Variants in GALNTL6 observed in about 807,000 individuals in gnomAD.
The protein encoded by GALNTL6 is polypeptide N-acetylgalactosaminyltransferase-like 6.
Under a neutral mutation model 73.7 loss-of-function variants are expected in GALNTL6, and 46 were observed. That is an observed-to-expected ratio of 0.62 (90% CI 0.49 to 0.80). GALNTL6 has a LOEUF of 0.80. Ranked by LOEUF, GALNTL6 falls within the 30% of genes least tolerant of loss-of-function variation. The probability of loss-of-function intolerance (pLI) is 0.00; values close to 1 mark genes in which losing one functional copy is unlikely to be tolerated. For missense variants in GALNTL6, 604 were observed against 755.0 expected (o/e 0.80, Z 2.34); for synonymous variants, 259 against 263.7 (o/e 0.98, Z 0.17).
chr4:172,247,912 A>T (rs1737717690), intron 3 of GALNTL6, among the ~76,000 whole-genome samples: 1 of 152,108 alleles, frequency 6.6e-6, no homozygotes, highest in Non-Finnish European at 1.5e-5. Context: ...GCTTATTGAA[A>T]TTTTTTTCAA....
chr4:172,266,293 A>C (rs1738449551), intron 3 of GALNTL6: 2 of 152,144 alleles, frequency 1.3e-5, no homozygotes, highest in African/African-American at 4.8e-5. Context: ...AAGAATGCTT[A>C]GGGCATACGT....
intron 5 of GALNTL6, among the ~76,000 whole-genome samples, chr4:172,398,991 G>T (rs1743945583): frequency 6.6e-6 from 1 of 151,812 alleles, no homozygotes. Context: ...CAACCTTTTA[G>T]TTGTGTCTTG....
chr4:172,154,865 G>C (rs769360429), intron 2 of GALNTL6, among the ~76,000 whole-genome samples: 4 of 152,184 alleles, frequency 2.6e-5, no homozygotes, highest in Non-Finnish European at 5.9e-5. Flanking sequence ...ATAATTCTGA[G>C]TGCATGGCTG....
intron 2 of GALNTL6, among the ~76,000 whole-genome samples, chr4:172,186,271 A>C (rs1010972280): frequency 6.6e-6 from 1 of 152,168 alleles, no homozygotes. Context: ...GCATGAATAT[A>C]ATTTTTAAAT....
At chr4:172,843,053 T>G (rs1385166875) in intron 7 of GALNTL6, among the ~76,000 whole-genome samples, 3 of 152,136 alleles carry the variant, frequency 2.0e-5, no homozygotes, top group African/African-American at 7.2e-5. Flanking sequence ...AAGCTCACCC[T>G]CTGGGAATGG....
chr4:172,623,904 A>G (rs1739058633), intron 5 of GALNTL6, among the ~76,000 whole-genome samples: 2 of 152,102 alleles, frequency 1.3e-5, no homozygotes, highest in African/African-American at 4.8e-5. Context: ...TTTATTCATG[A>G]GATATTTTAC....
At chr4:172,920,936 A>C (rs1579656262) in intron 8 of GALNTL6, among the ~76,000 whole-genome samples, 2 of 152,234 alleles carry the variant, frequency 1.3e-5, no homozygotes, top group East Asian at 3.8e-4. Context: ...ACTGAGTTAG[A>C]AGGTGTGAGA....
chr4:172,732,156 T>C (rs1158611265), intron 5 of GALNTL6, among the ~76,000 whole-genome samples: 4 of 152,164 alleles, frequency 2.6e-5, no homozygotes, highest in Non-Finnish European at 5.9e-5. Context: ...CTGACTATTA[T>C]TGTATTGCAT....
chr4:172,271,438 T>C (rs1738646516), intron 3 of GALNTL6, among the ~76,000 whole-genome samples: 1 of 152,140 alleles, frequency 6.6e-6, no homozygotes, highest in African/African-American at 2.4e-5. Flanking sequence ...CATGCATACA[T>C]ATACATACAT....
intron 7 of GALNTL6, among the ~76,000 whole-genome samples, chr4:172,880,114 G>A (rs1213874018): frequency 6.6e-6 from 1 of 151,940 alleles, no homozygotes; most frequent in East Asian, 1.9e-4. Flanking sequence ...TGAAAGATTA[G>A]ACATACCTAC....
At chr4:172,871,316 C>A (rs1744917927) in intron 7 of GALNTL6, among the ~76,000 whole-genome samples, 2 of 152,222 alleles carry the variant, frequency 1.3e-5, no homozygotes, top group Admixed American at 6.5e-5. Flanking sequence ...ATGTTCTTAT[C>A]TGGTTTCAGA....
At chr4:171,817,673 C>G (rs1734556849) in intron 2 of GALNTL6, among the ~76,000 whole-genome samples, 1 of 151,588 alleles carries the variant, frequency 6.6e-6, no homozygotes, top group African/African-American at 2.4e-5. Flanking sequence ...ATTTTAAAAT[C>G]TTCTGCATTT....
intron 2 of GALNTL6, among the ~76,000 whole-genome samples, chr4:172,137,628 C>A (rs751924137): frequency 1.3e-5 from 2 of 151,878 alleles, no homozygotes; most frequent in Admixed American, 1.3e-4. Flanking sequence ...CTTTAGAAAA[C>A]AAAACAAGAA....
intron 2 of GALNTL6, among the ~76,000 whole-genome samples, chr4:171,926,900 T>C (rs2110989309): frequency 1.3e-5 from 2 of 152,266 alleles, no homozygotes; most frequent in South Asian, 2.1e-4. Context: ...TTTTTGTATG[T>C]TTAATTTTTG....
chr4:172,999,339 C>T (rs888859438), intron 10 of GALNTL6, among the ~76,000 whole-genome samples: 15 of 152,152 alleles, frequency 9.9e-5, no homozygotes, highest in African/African-American at 1.4e-4. Context: ...ACTGTGCATG[C>T]GTGCGCACTC....
intron 2 of GALNTL6, among the ~76,000 whole-genome samples, chr4:171,985,066 A>C (rs1009659784): frequency 1.3e-5 from 2 of 152,100 alleles, no homozygotes; most frequent in Admixed American, 6.6e-5. Context: ...TGAGTTTTAC[A>C]ATGTTTTTTT....
At chr4:172,405,429 ATATATATATATATATTTTTTTTTTT>A (rs1167173938) in intron 5 of GALNTL6, among the ~76,000 whole-genome samples, 412 of 16,250 alleles carry the variant, frequency 0.025, 10 homozygotes, top group African/African-American at 0.046. Flanking sequence ...ATATATATAT[ATATATATATATATATTTTTTTTTTT>A]TTTTTTTTTT....
chr4:172,822,666 C>A (rs149729804), intron 7 of GALNTL6, among the ~76,000 whole-genome samples: 1 of 152,146 alleles, frequency 6.6e-6, no homozygotes, highest in African/African-American at 2.4e-5. Context: ...ACCCCTAGAC[C>A]TCCAGTACCA....
At chr4:171,880,596 TAAC>T (rs1246899292) in intron 2 of GALNTL6, among the ~76,000 whole-genome samples, 1 of 152,022 alleles carries the variant, frequency 6.6e-6, no homozygotes, top group Admixed American at 6.6e-5. Flanking sequence ...AGGCACAAAA[TAAC>T]AACACTCACA....
Sources: allele counts gnomAD v4.1 joint callset (sites outside exome capture counted in the v4.1 genomes callset), GRCh38; gene constraint gnomAD v4.1.1; transcripts MANE v1.5; gene names NCBI Gene and HGNC (gene_info 2026-07-23, HGNC 2026-07-21).